Variants in TANC2 observed in about 807,000 individuals in gnomAD.
The protein encoded by TANC2 is tetratricopeptide repeat, ankyrin repeat and coiled-coil containing 2, also known as protein TANC2.
A neutral mutation model predicts 210.5 loss-of-function variants in TANC2; 26 were observed. The observed-to-expected ratio is 0.12, with a 90% CI of 0.09 to 0.17. The LOEUF (loss-of-function observed/expected upper bound fraction) is 0.17. Ranked by LOEUF, TANC2 falls within the 10% of genes least tolerant of loss-of-function variation. TANC2 has a pLI of 1.00. For missense variants in TANC2, 2,129 were observed against 2,608.9 expected (o/e 0.82, Z 4.01); for synonymous variants, 931 against 967.1 (o/e 0.96, Z 0.69).
intron 3 of TANC2, among the ~76,000 whole-genome samples, chr17:63,090,400 C>T (rs2037140704): frequency 6.6e-6 from 1 of 151,962 alleles, no homozygotes; most frequent in Non-Finnish European, 1.5e-5. Context: ...GTGTGATGTT[C>T]CCCTTCCTGT....
intron 4 of TANC2, among the ~76,000 whole-genome samples, chr17:63,136,901 A>G (rs998088588): frequency 2.0e-5 from 3 of 152,088 alleles, no homozygotes; most frequent in African/African-American, 7.2e-5. Context: ...TTGAGGCGGC[A>G]AGGGCAACCA....
At chr17:63,180,278 T>TG (rs1395140143) in intron 5 of TANC2, among the ~76,000 whole-genome samples, 1 of 152,204 alleles carries the variant, frequency 6.6e-6, no homozygotes, top group East Asian at 1.9e-4. Flanking sequence ...TAACACTCAA[T>TG]GGGAAAAACT....
At chr17:63,326,958 GA>G (rs1355157654) in intron 11 of TANC2, among the ~76,000 whole-genome samples, 1 of 152,092 alleles carries the variant, frequency 6.6e-6, no homozygotes, top group Admixed American at 6.5e-5. Flanking sequence ...CAGAAGGGGA[GA>G]AAATCTTTGA....
intron 9 of TANC2, among the ~76,000 whole-genome samples, chr17:63,303,161 T>C: frequency 6.6e-6 from 1 of 152,340 alleles, no homozygotes; most frequent in East Asian, 1.9e-4. Context: ...TCTTGTTATC[T>C]CACACACTAG....
chr17:63,017,753 T>C (rs1343512484), intron 2 of TANC2, among the ~76,000 whole-genome samples: 1 of 152,232 alleles, frequency 6.6e-6, no homozygotes, highest in East Asian at 1.9e-4. Context: ...AAAACAGTTA[T>C]GGGTACTAAA....
At chr17:63,193,061 T>TTA (rs1450902377) in intron 5 of TANC2, among the ~76,000 whole-genome samples, 1 of 152,192 alleles carries the variant, frequency 6.6e-6, no homozygotes, top group Non-Finnish European at 1.5e-5. Context: ...GAGGAAAGTG[T>TTA]TACTCATTAA....
chr17:63,313,885 G>A (rs2045215770), intron 9 of TANC2, among the ~76,000 whole-genome samples: 1 of 152,222 alleles, frequency 6.6e-6, no homozygotes, highest in African/African-American at 2.4e-5. Context: ...CATATTGGTT[G>A]TGAAATATTG....
intron 8 of TANC2, among the ~76,000 whole-genome samples, chr17:63,244,789 TGTGGGAGGGACCCA>T (rs1433004011): frequency 6.6e-6 from 1 of 152,202 alleles, no homozygotes; most frequent in Non-Finnish European, 1.5e-5. Context: ...TCCCAAGTGT[TGTGGGAGGGACCCA>T]GTGGGAGGTA....
chr17:63,123,538 G>A (rs185590028), intron 4 of TANC2, among the ~76,000 whole-genome samples: 1,598 of 147,740 alleles, frequency 0.011, 23 homozygotes, highest in African/African-American at 0.037. Flanking sequence ...CAGCCTGGGC[G>A]ACAAGGTGAG....
intron 7 of TANC2, among the ~76,000 whole-genome samples, chr17:63,207,450 C>T (rs900419943): frequency 2.0e-5 from 3 of 151,832 alleles, no homozygotes; most frequent in African/African-American, 4.8e-5. Flanking sequence ...CTCCTGACCT[C>T]GTGATCCGCC....
chr17:63,159,696 G>C lies in TANC2; in HGVS notation c.433+8316G>C, dbSNP rs74348111. On this transcript the variant is annotated intron_variant, in intron 5 of 27. Transcript: ENST00000689528. ...ATTGTAAGTAACCTAGAAATGATTT[G>C]AAATATACGGGAGGATATACGTAGG... 8.3e-3 allele frequency among the ~76,000 whole-genome samples: 1,258 copies of C among 152,258 alleles called. 14 individuals carry two copies. The highest frequency in any genetic ancestry group is 0.028 in the African/African-American group (1,150 of 41,526).
intron 4 of TANC2, among the ~76,000 whole-genome samples, chr17:63,140,701 T>A (rs2039258017): frequency 6.6e-6 from 1 of 152,212 alleles, no homozygotes; most frequent in Non-Finnish European, 1.5e-5. Flanking sequence ...TGGATGATTT[T>A]AAATCATCTT....
rs114881355 is a variant in TANC2 at position 63,186,214 on chromosome 17, G to T, written c.434-7777G>T. 8.5e-3 allele frequency among the ~76,000 whole-genome samples: 1,294 copies of T among 152,220 alleles called. 16 individuals are homozygous for T. Among genetic ancestry groups the T allele is most frequent in the African/African-American group, 0.029 (1,185 of 41,526 alleles). On this transcript the variant is annotated intron_variant, in intron 5 of 27. Coordinates refer to ENST00000689528, the Ensembl canonical transcript of TANC2. Reference sequence around the variant, plus strand: ...GTTCTGAATCAGGTGATTATATATAGAGAGAGATCTGTTTTTGGATTTTTA... The same window carrying T: ...GTTCTGAATCAGGTGATTATATATATAGAGAGATCTGTTTTTGGATTTTTA...
At chr17:63,009,972 A>G (rs946928282) in intron 2 of TANC2, among the ~76,000 whole-genome samples, 2 of 152,268 alleles carry the variant, frequency 1.3e-5, no homozygotes, top group Non-Finnish European at 2.9e-5. Flanking sequence ...TTGGGGAAGG[A>G]AATTATAAAA....
At chr17:62,991,267 T>G (rs1409984457) in intron 1 of TANC2, among the ~76,000 whole-genome samples, 2 of 152,226 alleles carry the variant, frequency 1.3e-5, no homozygotes, top group South Asian at 2.1e-4. Context: ...GCATGTTTTC[T>G]TGTGCTGTTG....
intron 5 of TANC2, among the ~76,000 whole-genome samples, chr17:63,187,546 G>GT (rs11419333): frequency 0.23 from 34,242 of 151,428 alleles, 3,974 homozygotes; most frequent in South Asian, 0.3. Flanking sequence ...CAAAAATTAT[G>GT]TTTTTTATAT....
At chr17:63,106,969 C>T (rs1310647359) in intron 4 of TANC2, among the ~76,000 whole-genome samples, 1 of 151,468 alleles carries the variant, frequency 6.6e-6, no homozygotes, top group Admixed American at 6.6e-5. Flanking sequence ...CTTCCTACCT[C>T]TATTCAGCCA....
At chr17:63,333,181 T>C (rs978848218) in intron 11 of TANC2, among the ~76,000 whole-genome samples, 1 of 152,208 alleles carries the variant, frequency 6.6e-6, no homozygotes, top group African/African-American at 2.4e-5. Context: ...TAGATAATGA[T>C]TGTTCTGATG....
At chr17:63,105,656 C>T (rs1023167738) in intron 4 of TANC2, among the ~76,000 whole-genome samples, 2 of 151,554 alleles carry the variant, frequency 1.3e-5, no homozygotes, top group Non-Finnish European at 2.9e-5. Flanking sequence ...TATTATTTTT[C>T]TTCTCATTTA....
Sources: gnomAD v4.1 joint callset for allele counts (sites outside exome capture counted in the v4.1 genomes callset) on GRCh38, gnomAD v4.1.1 for gene constraint, MANE v1.5 for transcripts, NCBI Gene and HGNC (gene_info 2026-07-23, HGNC 2026-07-21) for gene names.